FRS2: variants seen among roughly 807,000 people sequenced by gnomAD.
The protein encoded by FRS2 is fibroblast growth factor receptor substrate 2.
A neutral mutation model predicts 43.9 loss-of-function variants in FRS2; 8 were observed. The observed-to-expected ratio is 0.18, with a 90% CI of 0.11 to 0.33. The LOEUF is 0.33. Ranked by LOEUF, FRS2 falls within the 10% of genes least tolerant of loss-of-function variation. The pLI, the probability that FRS2 is intolerant of heterozygous loss-of-function variation, is 1.00. For synonymous variants in FRS2, 219 were observed against 220.3 expected (o/e 0.99, Z 0.05); for missense variants, 534 against 627.6 (o/e 0.85, Z 1.59).
intron 1 of FRS2, among the ~76,000 whole-genome samples, chr12:69,493,519 A>G (rs1014066797): frequency 1.1e-4 from 17 of 152,204 alleles, no homozygotes; most frequent in African/African-American, 3.9e-4. Flanking sequence ...TCGGGAGTTC[A>G]AGACCAGCCT....
At chr12:69,514,556 G>T (rs1184849220) in intron 1 of FRS2, among the ~76,000 whole-genome samples, 1 of 152,214 alleles carries the variant, frequency 6.6e-6, no homozygotes, top group Non-Finnish European at 1.5e-5. Context: ...AGGATGGCCA[G>T]ATGCAGTGGC....
chr12:69,535,972 C>G (rs1410792400), intron 3 of FRS2, among the ~76,000 whole-genome samples: 5 of 151,108 alleles, frequency 3.3e-5, no homozygotes, highest in Admixed American at 2.6e-4. Flanking sequence ...GAATTTTTAT[C>G]ATTATGAAAG....
intron 1 of FRS2, among the ~76,000 whole-genome samples, chr12:69,525,984 C>G (rs1876183802): frequency 6.6e-6 from 1 of 152,052 alleles, no homozygotes; most frequent in Admixed American, 6.6e-5. Context: ...CTCAGCCTCC[C>G]AAGTAGCTAG....
At chr12:69,488,241 A>G (rs976928077) in intron 1 of FRS2, among the ~76,000 whole-genome samples, 16 of 152,170 alleles carry the variant, frequency 1.1e-4, no homozygotes, top group African/African-American at 3.9e-4. Flanking sequence ...TCTTTTGTGA[A>G]AGGAAGAGTC....
intron 3 of FRS2, among the ~76,000 whole-genome samples, chr12:69,559,709 A>G (rs573360467): frequency 2.6e-4 from 40 of 152,146 alleles, no homozygotes; most frequent in African/African-American, 9.6e-4. Flanking sequence ...AGAATAATAT[A>G]AATAATTCAG....
chr12:69,551,080 C>T (rs1878829452), intron 3 of FRS2, among the ~76,000 whole-genome samples: 1 of 152,140 alleles, frequency 6.6e-6, no homozygotes. Context: ...AAGAAATATT[C>T]TCAAAGTTGC....
In FRS2 at chr12:69,570,411, C is replaced by G. The variant is rs368962859; in HGVS notation, c.147C>G (p.Thr49=). Residue 49 remains threonine (T), a synonymous_variant, in exon 6 of 9, where the codon ACC becomes ACG. Coordinates refer to ENST00000549921, the MANE Select transcript of FRS2 (RefSeq NM_001278356.2). ...CAGACACAGAACTGATTTTATACACCCGCAAACGTGACTCAGTAAAATGGC... is the reference window on the plus strand; with the variant it reads ...CAGACACAGAACTGATTTTATACACGCGCAAACGTGACTCAGTAAAATGGC... ...ELTDTELILY[T]RKRDSVKWHY... The G allele has an allele frequency of 1.2e-4, 190 of 1,612,368 alleles. No homozygotes were observed. Among genetic ancestry groups the G allele is most frequent in the Non-Finnish European group, 1.4e-4 (168 of 1,178,608 alleles).
chr12:69,495,179 A>T (rs1872770857), intron 1 of FRS2, among the ~76,000 whole-genome samples: 1 of 152,226 alleles, frequency 6.6e-6, no homozygotes, highest in Non-Finnish European at 1.5e-5. Context: ...AGGAGCTTTT[A>T]GGCGTTTATT....
intron 1 of FRS2, among the ~76,000 whole-genome samples, chr12:69,472,658 G>C (rs1396703638): frequency 6.6e-6 from 1 of 152,046 alleles, no homozygotes; most frequent in Non-Finnish European, 1.5e-5. Context: ...CAAACACTGA[G>C]CATTTGCTAT....
intron 3 of FRS2, among the ~76,000 whole-genome samples, chr12:69,533,149 A>G (rs2135671408): frequency 6.6e-6 from 1 of 152,304 alleles, no homozygotes; most frequent in East Asian, 1.9e-4. Flanking sequence ...CTTAACTTGA[A>G]AGAAGTTGTT....
chr12:69,492,629 G>A (rs1334763802), intron 1 of FRS2, among the ~76,000 whole-genome samples: 1 of 152,174 alleles, frequency 6.6e-6, no homozygotes, highest in African/African-American at 2.4e-5. Flanking sequence ...TCACTTTAAG[G>A]ATTGTTTTGG....
At chr12:69,552,214 A>G (rs1341358310) in intron 3 of FRS2, among the ~76,000 whole-genome samples, 1 of 139,838 alleles carries the variant, frequency 7.2e-6, no homozygotes, top group Non-Finnish European at 1.5e-5. Context: ...AGGCAGGAGA[A>G]TTGCTTGAAC....
At chr12:69,547,128 C>T (rs1389854101) in intron 3 of FRS2, among the ~76,000 whole-genome samples, 3 of 152,072 alleles carry the variant, frequency 2.0e-5, no homozygotes, top group African/African-American at 4.8e-5. Flanking sequence ...AAGACAAATG[C>T]TATGTGATTC....
chr12:69,559,899 T>A (rs919624420), intron 3 of FRS2, among the ~76,000 whole-genome samples: 1 of 152,164 alleles, frequency 6.6e-6, no homozygotes, highest in African/African-American at 2.4e-5. Context: ...AATTTAGTTA[T>A]GTTGCTATGC....
At chr12:69,534,492 C>G (rs1023242311) in intron 3 of FRS2, among the ~76,000 whole-genome samples, 8 of 152,168 alleles carry the variant, frequency 5.3e-5, no homozygotes, top group Non-Finnish European at 1.0e-4. Context: ...CCTCTCTCCC[C>G]CAATTTGAAG....
intron 1 of FRS2, among the ~76,000 whole-genome samples, chr12:69,485,135 A>ACACACACATC (rs1299663612): frequency 1.2e-5 from 1 of 80,820 alleles, no homozygotes. Context: ...ACACACACAC[A>ACACACACATC]CTCTCACCCC....
At chr12:69,476,518 TTTA>T (rs1277168371) in intron 1 of FRS2, among the ~76,000 whole-genome samples, 11 of 152,292 alleles carry the variant, frequency 7.2e-5, no homozygotes, top group Admixed American at 5.2e-4. Context: ...GAAAAGCCTT[TTTA>T]TTAATACAGC....
rs201784036 is a variant in FRS2 at position 69,522,236 on chromosome 12, GTC to G, written c.-260-8625_-260-8624del. 7.6e-3 allele frequency among the ~76,000 whole-genome samples: 1,103 copies of G among 144,996 alleles called. 12 individuals are homozygous for G. The highest frequency in any genetic ancestry group is 0.026 in the African/African-American group (1,027 of 39,112). On this transcript the variant is annotated intron_variant, in intron 1 of 8. Coordinates refer to ENST00000549921, the MANE Select transcript of FRS2 (RefSeq NM_001278356.2). Reference sequence around the variant, plus strand: ...TGTGTGTGTGTGTGTGTGTGTGTGTGTCTCTGCCAGGTTTTGGTATCAGGATG... The same window carrying G: ...TGTGTGTGTGTGTGTGTGTGTGTGTGTCTGCCAGGTTTTGGTATCAGGATG...
At chr12:69,524,118 TG>T (rs1359833163) in intron 1 of FRS2, among the ~76,000 whole-genome samples, 4 of 152,076 alleles carry the variant, frequency 2.6e-5, no homozygotes, top group Admixed American at 2.6e-4. Flanking sequence ...TGGGCACTCA[TG>T]GGGGCAGTCT....
Sources: gnomAD v4.1 joint callset for allele counts (sites outside exome capture counted in the v4.1 genomes callset) on GRCh38, gnomAD v4.1.1 for gene constraint, MANE v1.5 for transcripts, NCBI Gene and HGNC (gene_info 2026-07-23, HGNC 2026-07-21) for gene names.